The following NDST3 variants were observed in gnomAD, a reference collection of about 807,000 sequenced individuals.
NDST3 encodes bifunctional heparan sulfate N-deacetylase/N-sulfotransferase 3.
NDST3 carries 58 observed loss-of-function variants against 96.1 expected under a neutral mutation model. That is an observed-to-expected ratio of 0.60 (90% CI 0.49 to 0.75). NDST3 has a LOEUF of 0.75. NDST3 is among the 30% of genes least tolerant of loss of function. The pLI, the probability that NDST3 is intolerant of heterozygous loss-of-function variation, is 0.00. For synonymous variants in NDST3, 333 were observed against 359.7 expected (o/e 0.93, Z 0.84); for missense variants, 788 against 1,034.2 (o/e 0.76, Z 3.27).
At chr4:118,224,940 G>A (rs1739781537) in intron 7 of NDST3, among the ~76,000 whole-genome samples, 1 of 152,174 alleles carries the variant, frequency 6.6e-6, no homozygotes. Flanking sequence ...AATCAGGAGT[G>A]AGAGATAAAT....
intron 2 of NDST3, 36 bp from the exon 3 acceptor site, chr4:118,104,982 C>A: frequency 6.4e-7 from 1 of 1,572,432 alleles, no homozygotes; most frequent in South Asian, 1.1e-5. Context: ...TAATGCCATT[C>A]TTTACCTGAT....
At chr4:118,133,971 C>A (rs1560667744) in intron 4 of NDST3, among the ~76,000 whole-genome samples, 1 of 152,024 alleles carries the variant, frequency 6.6e-6, no homozygotes, top group Non-Finnish European at 1.5e-5. Flanking sequence ...CTTTTCTATG[C>A]AAAAAAATAC....
At chr4:118,149,154 G>C (rs555113132) in intron 6 of NDST3, among the ~76,000 whole-genome samples, 2 of 152,282 alleles carry the variant, frequency 1.3e-5, no homozygotes, top group South Asian at 4.1e-4. Flanking sequence ...TTTGGTTACT[G>C]TAGCCTTGTA....
intron 8 of NDST3, among the ~76,000 whole-genome samples, chr4:118,232,057 A>C (rs76881090): frequency 1.7e-4 from 26 of 151,870 alleles, no homozygotes; most frequent in African/African-American, 6.0e-4. Context: ...TTTTTTTCCA[A>C]TTTAGCAATT....
chr4:118,254,524 G>A (rs1468373614), intron 13 of NDST3, among the ~76,000 whole-genome samples: 1 of 152,044 alleles, frequency 6.6e-6, no homozygotes, highest in Non-Finnish European at 1.5e-5. Flanking sequence ...TAATGCTACA[G>A]TTTTCTCCAT....
intron 3 of NDST3, among the ~76,000 whole-genome samples, chr4:118,106,025 A>G (rs946210108): frequency 2.6e-5 from 4 of 152,130 alleles, no homozygotes; most frequent in African/African-American, 9.7e-5. Flanking sequence ...GAGATATCAT[A>G]TTAGGGTTTT....
intron 6 of NDST3, among the ~76,000 whole-genome samples, chr4:118,145,703 G>A (rs1242159319): frequency 6.6e-6 from 1 of 152,152 alleles, no homozygotes. Flanking sequence ...TCTTGAGGAG[G>A]AGATTCATAA....
chr4:118,234,118 A>T (rs549765757), intron 9 of NDST3, among the ~76,000 whole-genome samples: 1 of 152,292 alleles, frequency 6.6e-6, no homozygotes, highest in East Asian at 1.9e-4. Context: ...AAATCAAGAA[A>T]CCATCGACAG....
chr4:118,175,027 C>T (rs1419763988), intron 6 of NDST3, among the ~76,000 whole-genome samples: 1 of 152,154 alleles, frequency 6.6e-6, no homozygotes, highest in Non-Finnish European at 1.5e-5. Context: ...GTACAGTCTA[C>T]AGAGGACTTC....
intron 2 of NDST3, chr4:118,055,320 G>T: frequency 4.9e-6 from 1 of 204,868 alleles, no homozygotes; most frequent in Non-Finnish European, 1.0e-5. Flanking sequence ...AGCAAGTTCA[G>T]ATACTTTTGG....
chr4:118,083,563 C>T (rs1042414901), intron 2 of NDST3, among the ~76,000 whole-genome samples: 1 of 152,116 alleles, frequency 6.6e-6, no homozygotes, highest in Non-Finnish European at 1.5e-5. Context: ...CCATTGAGCC[C>T]ACTTCCAAAT....
At chr4:118,141,615 C>G (rs760598677) in intron 5 of NDST3, among the ~76,000 whole-genome samples, 7 of 152,166 alleles carry the variant, frequency 4.6e-5, no homozygotes, top group Non-Finnish European at 1.0e-4. Flanking sequence ...AATCAAGTCC[C>G]AAAGATGGCT....
At chr4:118,101,959 C>T (rs1160689259) in intron 2 of NDST3, among the ~76,000 whole-genome samples, 1 of 152,002 alleles carries the variant, frequency 6.6e-6, no homozygotes, top group Non-Finnish European at 1.5e-5. Flanking sequence ...CCATGATATA[C>T]TGTCAAATGA....
At chr4:118,037,336 T>C (rs1724207088) in intron 1 of NDST3, among the ~76,000 whole-genome samples, 1 of 152,222 alleles carries the variant, frequency 6.6e-6, no homozygotes, top group Non-Finnish European at 1.5e-5. Context: ...ACTTTACATA[T>C]TAATTTTTAG....
At chr4:118,076,838 T>G (rs188062134) in intron 2 of NDST3, among the ~76,000 whole-genome samples, 1 of 152,336 alleles carries the variant, frequency 6.6e-6, no homozygotes, top group Non-Finnish European at 1.5e-5. Flanking sequence ...TCCGGAAAAC[T>G]ACTTCAGTCG....
chr4:118,175,003 A>G (rs1185941298), intron 6 of NDST3, among the ~76,000 whole-genome samples: 2 of 152,188 alleles, frequency 1.3e-5, no homozygotes, highest in African/African-American at 4.8e-5. Context: ...ATCCATGACC[A>G]GAACTCTGAC....
chr4:118,122,713 C>T (rs563459861), intron 4 of NDST3, among the ~76,000 whole-genome samples: 2 of 152,110 alleles, frequency 1.3e-5, no homozygotes, highest in Non-Finnish European at 2.9e-5. Flanking sequence ...CAGAACCTTA[C>T]GGTTCAGTGA....
chr4:118,067,058 T>C lies in NDST3; in HGVS notation c.981+12167T>C, dbSNP rs545741520. 2.3e-3 allele frequency among the ~76,000 whole-genome samples: 339 copies of C among 150,048 alleles called. 1 individual carries two copies. The highest frequency in any genetic ancestry group is 3.1e-3 in the Non-Finnish European group (211 of 67,642). ...ACAGAGAAAGACAACTTACTTGATA[T>C]TCTTGAATAAATGAATTCAAGTGGT... On this transcript the variant is annotated intron_variant, in intron 2 of 13. Coordinates refer to ENST00000296499, the MANE Select transcript of NDST3 (RefSeq NM_004784.3).
intron 3 of NDST3, among the ~76,000 whole-genome samples, chr4:118,109,474 G>T (rs958419266): frequency 6.6e-6 from 1 of 152,132 alleles, no homozygotes; most frequent in African/African-American, 2.4e-5. Context: ...TCTCATCTCT[G>T]CAAGGTTTGT....
Sources: allele counts gnomAD v4.1 joint callset (sites outside exome capture counted in the v4.1 genomes callset), GRCh38; gene constraint gnomAD v4.1.1; transcripts MANE v1.5; gene names NCBI Gene and HGNC (gene_info 2026-07-23, HGNC 2026-07-21).